The following FLOT1 variants were observed in gnomAD, a reference collection of about 807,000 sequenced individuals.
FLOT1 encodes flotillin-1.
A neutral mutation model predicts 58.4 loss-of-function variants in FLOT1; 40 were observed. The observed-to-expected ratio is 0.69, with a 90% CI of 0.53 to 0.89. The LOEUF is 0.89. FLOT1 is among the 40% of genes least tolerant of loss of function. The probability of loss-of-function intolerance (pLI) is 0.00; values close to 1 mark genes in which losing one functional copy is unlikely to be tolerated. For synonymous variants in FLOT1, 178 were observed against 204.2 expected, an observed-to-expected ratio of 0.87 and a Z score of 1.09; for missense variants, 423 against 540.8, an observed-to-expected ratio of 0.78 and a Z score of 2.16.
At chr6:30,730,774 C>A in intron 9 of FLOT1, 47 bp from the exon 10 acceptor site, 1 of 1,611,762 alleles carries the variant, frequency 6.2e-7, no homozygotes, top group Non-Finnish European at 8.5e-7. Flanking sequence ...AGCCCTTACT[C>A]CCAGGAGAAA....
chr6:30,735,425 G>A (rs982547558), intron 8 of FLOT1, among the ~76,000 whole-genome samples: 56 of 148,448 alleles, frequency 3.8e-4, no homozygotes, highest in African/African-American at 1.3e-3. Flanking sequence ...CAGCCTGGCC[G>A]ACATGGTGAA....
intron 8 of FLOT1, among the ~76,000 whole-genome samples, chr6:30,739,724 T>A (rs1456657658): frequency 1.3e-5 from 2 of 151,518 alleles, no homozygotes; most frequent in Non-Finnish European, 2.9e-5. Context: ...AGTGCAGTAG[T>A]GTGATCTCGA....
At chr6:30,732,178 A>G (rs1777251613) in intron 8 of FLOT1, among the ~76,000 whole-genome samples, 1 of 151,966 alleles carries the variant, frequency 6.6e-6, no homozygotes, top group African/African-American at 2.4e-5. Flanking sequence ...CATGTTGGCC[A>G]GGCTGGTCTC....
chr6:30,740,461 C>T (rs774439892), intron 7 of FLOT1, 35 bp downstream of exon 7: 28 of 1,603,042 alleles, frequency 1.7e-5, no homozygotes, highest in Non-Finnish European at 2.3e-5. Flanking sequence ...CCACTTCTAT[C>T]CCCTTTCCCA....
rs141639516 is a variant in FLOT1, at chr6:30,731,092, C to T, written c.732G>A (p.Lys244=). ...GCTGCTCCTCAATCTGCTGCTTAGTCTTGGCCACCTGGGTAGGAGGGTGAA... is the reference window on the plus strand; with the variant it reads ...GCTGCTCCTCAATCTGCTGCTTAGTTTTGGCCACCTGGGTAGGAGGGTGAA... The part of the protein sequence containing the change: ...ADLAYQLQVA[K]TKQQIEEQRV... Residue 244 remains lysine (K), a synonymous_variant, in exon 9 of 13, where the codon AAG becomes AAA. Coordinates refer to ENST00000376389, the MANE Select transcript of FLOT1 (RefSeq NM_005803.4). The T allele has an allele frequency of 3.4e-4, 549 of 1,604,398 alleles. 1 individual carries two copies. Among genetic ancestry groups the T allele is most frequent in the Non-Finnish European group, 4.5e-4 (532 of 1,177,558 alleles).
At chr6:30,730,613 A>G in intron 10 of FLOT1, 48 bp from the exon 11 acceptor site, 3 of 1,613,990 alleles carry the variant, frequency 1.9e-6, no homozygotes, top group Non-Finnish European at 1.7e-6. Flanking sequence ...ATTAAGAACA[A>G]GAAATCCCCG....
intron 8 of FLOT1, among the ~76,000 whole-genome samples, chr6:30,733,745 AAAAAAAAAAAG>A (rs1258739107): frequency 1.4e-5 from 2 of 143,434 alleles, no homozygotes; most frequent in African/African-American, 2.7e-5. Context: ...CATCTCAAAA[AAAAAAAAAAAG>A]AAAAGAAAGC....
At position 30,730,552 on chromosome 6, in the gene FLOT1, G is replaced by A; in HGVS notation, c.965C>T (p.Ala322Val). The A allele has an allele frequency of 6.2e-7, 1 of 1,611,468 alleles. No homozygotes were observed. The highest frequency in any genetic ancestry group is 1.1e-5 in the South Asian group (1 of 90,942). ...TCGGGCCCCTATGGCAAAGGCCTCA[G>A]CTTCCCCACGCATCTGAGGGTTAAG... ...EAASVRMRGEAEAFAIGARAR... is the reference protein window; with the variant it reads ...EAASVRMRGEVEAFAIGARAR... The change falls in exon 11 of 13, where the codon GCT (alanine) becomes GTT (valine). Residue 322 changes from alanine (A) to valine (V), a missense_variant. This residue lies in a region of FLOT1 where 106 missense variants were observed against 88.4 expected (regional missense o/e 1.20). Transcript: ENST00000376389.
In FLOT1 at chr6:30,741,852, G is replaced by T. The variant is rs1266161313; in HGVS notation, c.59C>A (p.Pro20His). Residue 20 changes from proline to histidine, a missense_variant, in exon 3 of 13, where the codon CCC (proline) becomes CAC (histidine). Physicochemically the swap from Pro to His is moderately conservative, Grantham distance 77. Coordinates refer to ENST00000376389, the MANE Select transcript of FLOT1 (RefSeq NM_005803.4). The surrounding 1 kb of genome is among the most constrained non-coding windows in gnomAD (Gnocchi z 5.9). ...ACGCCCTCCAGCCACCATGACTGGG[G>T]GGCTTCGGCAGAACCCTGCAAGGTG... ...AMVVSGFCRS[P>H]PVMVAGGRVF... 6.2e-7 allele frequency: 1 copy of T among 1,612,630 alleles called. No individual in the cohort carries two copies. The highest frequency in any genetic ancestry group is 8.5e-7 in the Non-Finnish European group (1 of 1,180,032).
intron 8 of FLOT1, among the ~76,000 whole-genome samples, chr6:30,733,058 G>C (rs549626257): frequency 6.6e-6 from 1 of 151,928 alleles, no homozygotes; most frequent in South Asian, 2.1e-4. Flanking sequence ...TTTTTGAGAT[G>C]GAATTTCGCT....
In FLOT1 at chr6:30,741,472, G is replaced by A; in HGVS notation, c.211-139C>T. The A allele has an allele frequency of 4.6e-6, 6 of 1,318,664 alleles. No homozygotes were observed. The highest frequency in any genetic ancestry group is 6.4e-6 in the Non-Finnish European group (6 of 931,148). 81.7% of individuals were successfully genotyped at this position (1,318,664 alleles called of 1,614,324 possible). A position where few individuals can be genotyped will look rare whatever the true frequency, so the allele number is the denominator to read the frequency against. ...AAAGGAGGAGGAGGCAAGTGCCTTG[G>A]GGTGCCTGGAAAAGATGAGACTAGC... On this transcript the variant is annotated intron_variant, in intron 4 of 12. Coordinates refer to ENST00000376389, the MANE Select transcript of FLOT1 (RefSeq NM_005803.4). This position sits in a 1 kb window ranked among gnomAD's most constrained non-coding sequence, Gnocchi z 5.9.
intron 8 of FLOT1, among the ~76,000 whole-genome samples, chr6:30,733,228 G>A (rs1777323249): frequency 6.6e-6 from 1 of 151,906 alleles, no homozygotes; most frequent in Non-Finnish European, 1.5e-5. Context: ...TAGAGATGGG[G>A]TTCCACCACA....
rs1383758507 is a variant in FLOT1 at position 30,741,207 on chromosome 6, C to T, written c.337G>A (p.Ala113Thr). The change falls in exon 5 of 13, where the codon GCC (alanine) becomes ACC (threonine). Residue 113 changes from alanine (A) to threonine (T), a missense_variant. Physicochemically the swap from Ala to Thr is moderately conservative, Grantham distance 58. Around this residue, in one of 6 missense-constraint regions of FLOT1, gnomAD observed 137 missense variants for 194.6 expected, o/e 0.70. Transcript: ENST00000376389. The surrounding 1 kb of genome is among the most constrained non-coding windows in gnomAD (Gnocchi z 5.9). ...AGGCCAACCTCCACAGTCATGTGGG[C>T]CATGATGGCCCTCTGGTGGCCCTCT... ...TLEGHQRAIM[A>T]HMTVEEIYKD... is the part of the protein sequence containing the mutation. 1 of 1,613,066 alleles carries T rather than the reference C, an allele frequency of 6.2e-7. No individual in the cohort carries two copies. The highest frequency in any genetic ancestry group is 8.5e-7 in the Non-Finnish European group (1 of 1,180,028).
chr6:30,740,845 T>G (rs1331615468), intron 5 of FLOT1, 47 bp from the exon 6 acceptor site: 8 of 1,567,708 alleles, frequency 5.1e-6, no homozygotes, highest in East Asian at 2.2e-5. Flanking sequence ...TTTTTTTTTT[T>G]TTTTTTTTTT....
At chr6:30,731,579 G>T (rs999040125) in intron 8 of FLOT1, among the ~76,000 whole-genome samples, 3 of 150,684 alleles carry the variant, frequency 2.0e-5, no homozygotes, top group African/African-American at 7.3e-5. Flanking sequence ...TTTCTCTGAT[G>T]AGCCCCCGTT....
chr6:30,732,453 G>A (rs1777269215), intron 8 of FLOT1, among the ~76,000 whole-genome samples: 1 of 151,756 alleles, frequency 6.6e-6, no homozygotes, highest in African/African-American at 2.4e-5. Context: ...CCTGGGCTCA[G>A]ATGATCCTCC....
At chr6:30,730,209 T>G in intron 11 of FLOT1, 23 bp from the exon 12 acceptor site, 1 of 1,612,158 alleles carries the variant, frequency 6.2e-7, no homozygotes, top group Non-Finnish European at 8.5e-7. Context: ...AGACACCCAC[T>G]CAGTGCCCAT....
chr6:30,730,266 T>C (rs1777066218), intron 11 of FLOT1, 80 bp from the exon 12 acceptor site: 1 of 1,545,480 alleles, frequency 6.5e-7, no homozygotes, highest in Non-Finnish European at 8.9e-7. Flanking sequence ...GGTTTTAAGG[T>C]CCTCGTTCCA....
intron 12 of FLOT1, among the ~76,000 whole-genome samples, chr6:30,728,475 TC>T (rs869130557): frequency 6.7e-6 from 1 of 149,656 alleles, no homozygotes; most frequent in African/African-American, 2.5e-5. Flanking sequence ...TTTTTTTTTT[TC>T]TTTTTTTTTT....
Sources: allele counts gnomAD v4.1 joint callset (sites outside exome capture counted in the v4.1 genomes callset), GRCh38; gene constraint gnomAD v4.1.1; regional missense constraint gnomAD v4.1.1; non-coding constraint Gnocchi (gnomAD v3.1); transcripts MANE v1.5; gene names NCBI Gene and HGNC (gene_info 2026-07-23, HGNC 2026-07-21).